GRTP1: variants seen among roughly 807,000 people sequenced by gnomAD.
The protein encoded by GRTP1 is growth hormone-regulated TBC protein 1.
GRTP1 carries 56 observed loss-of-function variants against 38.1 expected under a neutral mutation model. That is an observed-to-expected ratio of 1.47 (90% CI 1.19 to 1.84). The LOEUF is 1.84. Among genes scored for constraint, GRTP1 ranks in the 40% most tolerant of loss-of-function variants. The pLI is 0.00. For synonymous variants in GRTP1, 217 were observed against 189.5 expected, an observed-to-expected ratio of 1.14 and a Z score of -1.19; for missense variants, 506 against 453.9, an observed-to-expected ratio of 1.11 and a Z score of -1.04.
chr13:113,337,242 C>T (rs1379619484), intron 5 of GRTP1, among the ~76,000 whole-genome samples: 1 of 152,196 alleles, frequency 6.6e-6, no homozygotes, highest in African/African-American at 2.4e-5. Context: ...CTGCAGTGAG[C>T]TGTGATGGTG....
Position 113,325,850 on chromosome 13 carries a change from C to G in GRTP1, c.736-4G>C. On this transcript the variant is annotated splice_polypyrimidine_tract_variant and splice_region_variant and intron_variant, in intron 6 of 7. Coordinates refer to ENST00000375431, the MANE Select transcript of GRTP1 (RefSeq NM_024719.4). ...AGTCCCAGATCCGAAGCACTGTCTG[C>G]AGAGACATGGGAACCCGGTGTCACT... 1 of 1,613,950 alleles carries G rather than the reference C, an allele frequency of 6.2e-7. No individual in the cohort carries two copies. Among genetic ancestry groups the G allele is most frequent in the Non-Finnish European group, 8.5e-7 (1 of 1,179,898 alleles).
chr13:113,346,057 C>CA (rs1566428914), intron 4 of GRTP1, among the ~76,000 whole-genome samples: 4 of 65,952 alleles, frequency 6.1e-5, no homozygotes, highest in African/African-American at 1.2e-4. Flanking sequence ...AGAGCAGACC[C>CA]GGGAGGACCT....
At chr13:113,333,470 T>C (rs1210720438) in intron 5 of GRTP1, among the ~76,000 whole-genome samples, 1 of 152,152 alleles carries the variant, frequency 6.6e-6, no homozygotes, top group Non-Finnish European at 1.5e-5. Flanking sequence ...TCAACAAAGA[T>C]TTCTCTTCAG....
chr13:113,344,727 AAAAAAAAAC>A (rs1464021368), intron 5 of GRTP1, 127 bp downstream of exon 5: 26 of 447,322 alleles, frequency 5.8e-5, no homozygotes, highest in Admixed American at 1.0e-4. Flanking sequence ...AAAAAAAAAA[AAAAAAAAAC>A]GGTTTGTAAC....
chr13:113,326,178 G>A (rs2042765793), intron 5 of GRTP1, 87 bp from the exon 6 acceptor site: 1 of 1,514,758 alleles, frequency 6.6e-7, no homozygotes, highest in Admixed American at 1.9e-5. Context: ...AAAGACAACA[G>A]GGCCACCCTG....
rs746697697 is a variant in GRTP1, at chr13:113,350,845, T to C, written c.465+4A>G. ...TCATGGCGTCAGAGGGTCCCGAGGC[T>C]CACCTGGCAGTAGCCCACTCCCTGG... On this transcript the variant is annotated splice_donor_region_variant and intron_variant, in intron 4 of 7. Coordinates refer to ENST00000375431, the MANE Select transcript of GRTP1 (RefSeq NM_024719.4). The C allele has an allele frequency of 1.9e-6, 3 of 1,565,078 alleles. No individual in the cohort carries two copies. The highest frequency in any genetic ancestry group is 1.2e-5 in the South Asian group (1 of 85,642).
intron 2 of GRTP1, among the ~76,000 whole-genome samples, chr13:113,359,167 G>A (rs908865106): frequency 3.9e-5 from 6 of 152,198 alleles, no homozygotes; most frequent in Non-Finnish European, 8.8e-5. Flanking sequence ...TTCCACTAAT[G>A]ACACCATAGA....
intron 5 of GRTP1, 21 bp downstream of exon 5, chr13:113,344,842 C>A: frequency 6.3e-7 from 1 of 1,589,832 alleles, no homozygotes; most frequent in Non-Finnish European, 8.5e-7. Flanking sequence ...TTCGGGCATA[C>A]CGCAGGAATT....
intron 4 of GRTP1, among the ~76,000 whole-genome samples, chr13:113,345,988 G>A (rs557160427): frequency 6.6e-5 from 10 of 151,382 alleles, no homozygotes; most frequent in South Asian, 4.3e-4. Flanking sequence ...TTTTGTGGCC[G>A]AGAGTGGACC....
chr13:113,345,296 G>C (rs138517118), intron 4 of GRTP1, among the ~76,000 whole-genome samples: 1 of 152,180 alleles, frequency 6.6e-6, no homozygotes. Context: ...TATATCAACA[G>C]CATGAAACTC....
intron 5 of GRTP1, among the ~76,000 whole-genome samples, chr13:113,332,715 C>T (rs1005687694): frequency 3.0e-4 from 45 of 152,262 alleles, no homozygotes; most frequent in African/African-American, 8.2e-4. Context: ...ACACACATTA[C>T]GCCAGAGTTT....
At chr13:113,356,951 G>C (rs897250978) in intron 2 of GRTP1, among the ~76,000 whole-genome samples, 2 of 152,138 alleles carry the variant, frequency 1.3e-5, no homozygotes, top group Non-Finnish European at 2.9e-5. Flanking sequence ...AATTATACAA[G>C]GACAACGAGG....
At position 113,324,574 on chromosome 13, in the gene GRTP1, T is replaced by A; in HGVS notation, c.925A>T (p.Ile309Leu). ...VMECHTFMQK[I>L]FSEPGSLSMA... The stretch of plus-strand genomic sequence containing the variant: ...GATAAGCTTCCAGGTTCTGAAAATA[T>A]TTTCTGGAAGGCAAACAGTTAGTTT... The change falls in exon 8 of 8, where the codon ATA (isoleucine) becomes TTA (leucine). Residue 309 changes from isoleucine to leucine, a missense_variant. Coordinates refer to ENST00000375431, the MANE Select transcript of GRTP1 (RefSeq NM_024719.4). 1.2e-6 allele frequency: 2 copies of A among 1,605,432 alleles called. No individual in the cohort carries two copies. The highest frequency in any genetic ancestry group is 8.5e-7 in the Non-Finnish European group (1 of 1,176,138).
chr13:113,334,079 C>A (rs1477237284), intron 5 of GRTP1, among the ~76,000 whole-genome samples: 1 of 152,196 alleles, frequency 6.6e-6, no homozygotes, highest in African/African-American at 2.4e-5. Context: ...AGGTGATCTG[C>A]CCACCTCAGC....
intron 5 of GRTP1, chr13:113,339,810 T>C (rs2139435659): frequency 6.6e-6 from 1 of 152,342 alleles, no homozygotes; most frequent in East Asian, 1.9e-4. Context: ...GATTAAGCCA[T>C]CCTTGGATTT....
At chr13:113,328,807 CA>C (rs2042813299) in intron 5 of GRTP1, among the ~76,000 whole-genome samples, 2 of 152,254 alleles carry the variant, frequency 1.3e-5, no homozygotes, top group Non-Finnish European at 2.9e-5. Flanking sequence ...TTTCCATTCC[CA>C]GGGGCGTCTC....
chr13:113,332,294 CACACGTGCACACGCACGCCACACACAGGT>C (rs1213868103), intron 5 of GRTP1, among the ~76,000 whole-genome samples: 1 of 45,992 alleles, frequency 2.2e-5, no homozygotes, highest in African/African-American at 4.7e-5. Flanking sequence ...ACACACACAC[CACACGTGCACACGCACGCCACACACAGGT>C]ACACACGTGC....
At chr13:113,325,148 A>G in intron 7 of GRTP1, 1 of 1,032,156 alleles carries the variant, frequency 9.7e-7, no homozygotes, top group Non-Finnish European at 1.2e-6. Context: ...CTTCTCTTTG[A>G]TGAAGGCCCA....
intron 2 of GRTP1, among the ~76,000 whole-genome samples, chr13:113,358,978 C>T (rs2043445639): frequency 6.6e-6 from 1 of 152,164 alleles, no homozygotes; most frequent in South Asian, 2.1e-4. Context: ...TTTATAATGT[C>T]GGCTTACACA....
Sources: allele counts gnomAD v4.1 joint callset (sites outside exome capture counted in the v4.1 genomes callset), GRCh38; gene constraint gnomAD v4.1.1; transcripts MANE v1.5; gene names NCBI Gene and HGNC (gene_info 2026-07-23, HGNC 2026-07-21).